Variants in NWD1 observed in about 807,000 individuals in gnomAD.
NWD1 encodes NACHT domain- and WD repeat-containing protein 1.
NWD1 carries 129 observed loss-of-function variants against 135.1 expected under a neutral mutation model. That is an observed-to-expected ratio of 0.96 (90% confidence interval 0.83 to 1.11). The LOEUF is 1.11. NWD1 is among the 50% of genes least tolerant of loss of function. NWD1 has a pLI of 0.00. For missense variants in NWD1, 1,740 were observed against 1,851.3 expected, an observed-to-expected ratio of 0.94 and a Z score of 1.10; for synonymous variants, 773 against 786.0, an observed-to-expected ratio of 0.98 and a Z score of 0.28.
In NWD1 at chr19:16,781,107, T is replaced by C. The variant is rs566640744; in HGVS notation, c.2731+1642T>C. ...TTTCTACATAGTCCCTTAACAGATA[T>C]GGCTTATTTCTGTAATCAATTGTTG... On this transcript the variant is annotated intron_variant, in intron 12 of 18. Transcript: ENST00000524140. Among the ~76,000 whole-genome samples, 32 of 152,320 alleles carry C rather than the reference T, an allele frequency of 2.1e-4. No homozygotes were observed. The South Asian group carries it at 6.4e-3, about 31-fold the overall frequency.
chr19:16,774,196 C>T (rs1969518465), intron 11 of NWD1, among the ~76,000 whole-genome samples: 1 of 150,144 alleles, frequency 6.7e-6, no homozygotes, highest in African/African-American at 2.5e-5. Flanking sequence ...CATCTATCCT[C>T]CCACCCTTCC....
intron 18 of NWD1, among the ~76,000 whole-genome samples, chr19:16,810,042 T>C (rs981187345): frequency 6.6e-6 from 1 of 151,954 alleles, no homozygotes; most frequent in Non-Finnish European, 1.5e-5. Context: ...GGCAAAAGGA[T>C]TTTTTTGTGT....
At chr19:16,751,310 G>A (rs765737824) in intron 6 of NWD1, among the ~76,000 whole-genome samples, 8 of 151,732 alleles carry the variant, frequency 5.3e-5, no homozygotes, top group Non-Finnish European at 8.8e-5. Context: ...TGGATGAGGA[G>A]TCAAAAGTAA....
chr19:16,797,871 T>G lies in NWD1; in HGVS notation c.3444T>G (p.Leu1148=), dbSNP rs766180608. 1.2e-6 allele frequency: 2 copies of G among 1,613,884 alleles called. No individual in the cohort carries two copies. The highest frequency in any genetic ancestry group is 3.3e-5 in the Admixed American group (2 of 59,996). The change falls in exon 16 of 19, where the codon CTT becomes CTG. Residue 1148 remains leucine (L), a synonymous_variant. Transcript: ENST00000524140. ...TENNLIITGS[L]DALIQVWSLS... ...ACAACCTGATCATCACGGGGTCCCT[T>G]GATGCGCTCATTCAGGTGAGGGGAG...
chr19:16,815,616 A>C lies in NWD1; in HGVS notation c.*577A>C. ...CTCTTTCCCAACAGTCCTAGCCTCA[A>C]CTCTACTGGTCCCAATTGGCCCATA... is the stretch of plus-strand genomic sequence containing the variant. On this transcript the variant is annotated 3_prime_UTR_variant, in exon 19 of 19. Coordinates refer to ENST00000524140, the MANE Select transcript of NWD1 (RefSeq NM_001007525.5). 2 of 360,000 alleles carry C rather than the reference A, an allele frequency of 5.6e-6. No homozygotes were observed. Among genetic ancestry groups the C allele is most frequent in the Non-Finnish European group, 5.1e-6 (1 of 196,330 alleles). The allele number at this position is 360,000 out of a possible 1,614,324, so 22.3% of individuals were successfully genotyped here.
At chr19:16,758,989 G>T (rs1203418080) in intron 6 of NWD1, among the ~76,000 whole-genome samples, 4 of 114,546 alleles carry the variant, frequency 3.5e-5, no homozygotes, top group African/African-American at 1.4e-4. Flanking sequence ...GGGCGACAGA[G>T]TGAAACTCTG....
At chr19:16,787,730 C>A (rs1206389721) in intron 12 of NWD1, among the ~76,000 whole-genome samples, 1 of 151,368 alleles carries the variant, frequency 6.6e-6, no homozygotes, top group Non-Finnish European at 1.5e-5. Context: ...CGCGGTGGCA[C>A]ATGCCTGTAA....
At chr19:16,766,545 T>G (rs1969230126) in intron 10 of NWD1, among the ~76,000 whole-genome samples, 1 of 138,926 alleles carries the variant, frequency 7.2e-6, no homozygotes, top group Admixed American at 6.7e-5. Flanking sequence ...CATGAGGATG[T>G]TCTGTTTGGT....
intron 6 of NWD1, among the ~76,000 whole-genome samples, chr19:16,755,134 C>T (rs1453015331): frequency 6.6e-6 from 1 of 152,110 alleles, no homozygotes; most frequent in Non-Finnish European, 1.5e-5. Context: ...TCCATCTAGT[C>T]ATTTATAATC....
chr19:16,807,888 C>A lies in NWD1; in HGVS notation c.4039C>A (p.Leu1347Met). Reference protein sequence around the residue: ...DGPRYTFYTQLPETLSSVAIL... With the variant: ...DGPRYTFYTQMPETLSSVAIL... ...GCCAAGATACACCTTTTACACTCAG[C>A]TGCCCGAGACCCTCTCCAGCGTGGC... The change falls in exon 18 of 19, where the codon CTG becomes ATG. Residue 1347 changes from leucine to methionine, a missense_variant. Physicochemically the swap from Leu to Met is conservative, Grantham distance 15. Transcript: ENST00000524140. 1 of 1,614,228 alleles carries A rather than the reference C, an allele frequency of 6.2e-7. No homozygotes were observed. Among genetic ancestry groups the A allele is most frequent in the South Asian group, 1.1e-5 (1 of 91,086 alleles).
rs533670822 is a variant in NWD1 at position 16,787,995 on chromosome 19, G to A, written c.2732-987G>A. On this transcript the variant is annotated intron_variant, in intron 12 of 18. Coordinates refer to ENST00000524140, the MANE Select transcript of NWD1 (RefSeq NM_001007525.5). The stretch of plus-strand genomic sequence containing the variant: ...TGTAATCCCAGCACTGTGGGAGGCC[G>A]AGGTGGGTAGATCACCTGAGGTCAG... Among the ~76,000 whole-genome samples the A allele has an allele frequency of 1.2e-3, 170 of 146,302 alleles. 2 individuals are homozygous for A. The highest frequency in any genetic ancestry group is 0.011 in the Middle Eastern group (3 of 264).
chr19:16,783,030 T>A (rs974829584), intron 12 of NWD1, among the ~76,000 whole-genome samples: 2 of 139,628 alleles, frequency 1.4e-5, no homozygotes, highest in African/African-American at 3.0e-5. Context: ...CTTTCTTTCT[T>A]TTCTTTCTTT....
chr19:16,788,167 T>C (rs1418557806), intron 12 of NWD1, among the ~76,000 whole-genome samples: 1 of 145,994 alleles, frequency 6.8e-6, no homozygotes, highest in Non-Finnish European at 1.5e-5. Flanking sequence ...GAAGTGAAGG[T>C]TGCAATAAGC....
chr19:16,722,002 A>G (rs1023952087), intron 1 of NWD1, among the ~76,000 whole-genome samples: 1 of 151,916 alleles, frequency 6.6e-6, no homozygotes, highest in Admixed American at 6.6e-5. Flanking sequence ...AGTTCCAGCT[A>G]CTTGAGACGC....
intron 10 of NWD1, among the ~76,000 whole-genome samples, chr19:16,770,012 CT>C (rs1159748696): frequency 6.6e-6 from 1 of 152,082 alleles, no homozygotes; most frequent in African/African-American, 2.4e-5. Context: ...TTGTCTTTGC[CT>C]TTAATTATGA....
chr19:16,720,793 T>C (rs1967106296), intron 1 of NWD1, among the ~76,000 whole-genome samples: 2 of 152,088 alleles, frequency 1.3e-5, no homozygotes, highest in Non-Finnish European at 2.9e-5. Context: ...GACCTCATGA[T>C]CTGCCCTCCT....
intron 3 of NWD1, among the ~76,000 whole-genome samples, chr19:16,733,520 C>A (rs1196081985): frequency 1.1e-3 from 147 of 133,290 alleles, no homozygotes; most frequent in South Asian, 1.4e-3. Context: ...GATTCTGTCT[C>A]AAAAAAAAAA....
intron 2 of NWD1, among the ~76,000 whole-genome samples, chr19:16,725,721 T>C (rs972899518): frequency 1.3e-5 from 2 of 148,890 alleles, no homozygotes; most frequent in Non-Finnish European, 1.5e-5. Context: ...CCTGGCTTAT[T>C]TCTGTATTTT....
At chr19:16,728,644 C>T (rs1347049137) in intron 2 of NWD1, among the ~76,000 whole-genome samples, 1 of 150,402 alleles carries the variant, frequency 6.6e-6, no homozygotes, top group Non-Finnish European at 1.5e-5. Context: ...GGAATGGACA[C>T]ATAAATTAAG....
Sources: gnomAD v4.1 joint callset for allele counts (sites outside exome capture counted in the v4.1 genomes callset) on GRCh38, gnomAD v4.1.1 for gene constraint, MANE v1.5 for transcripts, NCBI Gene and HGNC (gene_info 2026-07-23, HGNC 2026-07-21) for gene names.